The following LARGE1 variants were observed in gnomAD, a reference collection of about 807,000 sequenced individuals.
LARGE1 encodes the protein LARGE xylosyl- and glucuronyltransferase 1, also known as xylosyl- and glucuronyltransferase LARGE1.
In LARGE1, 43 loss-of-function variants were observed where a neutral mutation model predicts 87.6. The observed-to-expected ratio is 0.49, with a 90% confidence interval of 0.38 to 0.63. The LOEUF (loss-of-function observed/expected upper bound fraction) is 0.63. Ranked by LOEUF, LARGE1 falls within the 30% of genes least tolerant of loss-of-function variation. The pLI, the probability that LARGE1 is intolerant of heterozygous loss-of-function variation, is 0.00. For missense variants in LARGE1, 802 were observed against 1,000.2 expected (o/e 0.80, Z 2.67); for synonymous variants, 434 against 394.6 (o/e 1.10, Z -1.18).
chr22:33,563,653 T>A (rs1602453369), intron 6 of LARGE1, among the ~76,000 whole-genome samples: 1 of 152,316 alleles, frequency 6.6e-6, no homozygotes, highest in Admixed American at 6.5e-5. Flanking sequence ...AGCTTCCGTT[T>A]CTTTCTTTAT....
intron 1 of LARGE1, among the ~76,000 whole-genome samples, chr22:33,766,921 TATATATATATATATATATA>T: frequency 1.8e-4 from 1 of 5,438 alleles, no homozygotes; most frequent in South Asian, 6.4e-3. Flanking sequence ...TACATATATA[TATATATATATATATATATA>T]TATATATATA....
chr22:33,442,904 T>C (rs1468273795), intron 6 of LARGE1, among the ~76,000 whole-genome samples: 1 of 151,942 alleles, frequency 6.6e-6, no homozygotes, highest in East Asian at 1.9e-4. Flanking sequence ...GCCATTCTCC[T>C]GCCTCAGCCT....
chr22:33,124,386 G>GGAAGGAAGGAAAGAAGGA, the LARGE1 span, among the ~76,000 whole-genome samples: 1 of 61,618 alleles, frequency 1.6e-5, no homozygotes, highest in Non-Finnish European at 3.2e-5. Context: ...GGAAGGAAGG[G>GGAAGGAAGGAAAGAAGGA]AGGAAGGAAA....
chr22:33,854,904 C>T (rs2063713868), intron 1 of LARGE1, among the ~76,000 whole-genome samples: 1 of 152,166 alleles, frequency 6.6e-6, no homozygotes, highest in Non-Finnish European at 1.5e-5. Flanking sequence ...TCAAGCGAGG[C>T]CGCGTCCTTC....
chr22:33,337,267 T>C (rs895001304), intron 10 of LARGE1, among the ~76,000 whole-genome samples: 2 of 152,118 alleles, frequency 1.3e-5, no homozygotes, highest in African/African-American at 4.8e-5. Context: ...TGTTTCCCCA[T>C]GCACTGACTA....
intron 7 of LARGE1, among the ~76,000 whole-genome samples, chr22:33,410,409 G>A (rs1381785214): frequency 6.6e-6 from 1 of 151,972 alleles, no homozygotes; most frequent in Non-Finnish European, 1.5e-5. Flanking sequence ...ATGATGGGAG[G>A]TGACTGAATC....
chr22:33,825,387 C>G (rs1347252402), intron 1 of LARGE1, among the ~76,000 whole-genome samples: 1 of 124,096 alleles, frequency 8.1e-6, no homozygotes, highest in Non-Finnish European at 1.9e-5. Context: ...TGGGTAATTG[C>G]TAATAAAGAC....
chr22:33,656,449 T>C lies in LARGE1; in HGVS notation c.107-5781A>G, dbSNP rs189084854. The stretch of plus-strand genomic sequence containing the variant: ...TCCCTCCCACAACACATGGGAATTA[T>C]GGGGGCTACAATTCAAGATGAGATT... On this transcript the variant is annotated intron_variant, in intron 2 of 14. Coordinates refer to ENST00000397394, the MANE Select transcript of LARGE1 (RefSeq NM_133642.5). Among the ~76,000 whole-genome samples the C allele has an allele frequency of 7.7e-3, 1,175 of 152,256 alleles. 10 individuals carry two copies. Among genetic ancestry groups the C allele is most frequent in the Middle Eastern group, 0.024 (7 of 294 alleles).
chr22:33,326,674 A>G (rs1158767656), intron 10 of LARGE1, among the ~76,000 whole-genome samples: 2 of 152,196 alleles, frequency 1.3e-5, no homozygotes, highest in African/African-American at 4.8e-5. Context: ...CTGCACAAGT[A>G]AGAGATGCCA....
intron 3 of LARGE1, among the ~76,000 whole-genome samples, chr22:33,648,272 G>T (rs1182133271): frequency 1.3e-5 from 2 of 152,218 alleles, no homozygotes; most frequent in Non-Finnish European, 2.9e-5. Context: ...GAGCAGGGGA[G>T]TGAAACTCTT....
At chr22:33,146,118 T>C in the LARGE1 span, among the ~76,000 whole-genome samples, 6 of 152,316 alleles carry the variant, frequency 3.9e-5, no homozygotes, top group East Asian at 1.2e-3. Flanking sequence ...GATATAAAAG[T>C]AAATATCCTT....
chr22:33,167,924 C>T (rs1285667819), intron 11 of LARGE1, among the ~76,000 whole-genome samples: 1 of 152,084 alleles, frequency 6.6e-6, no homozygotes, highest in Non-Finnish European at 1.5e-5. Flanking sequence ...ATCTGCATAC[C>T]CCAATTAACA....
intron 4 of LARGE1, among the ~76,000 whole-genome samples, chr22:33,606,974 T>C (rs2079283119): frequency 1.3e-5 from 2 of 152,106 alleles, no homozygotes; most frequent in Non-Finnish European, 2.9e-5. Context: ...ACACCCCCCA[T>C]GTGAGCTCAG....
At chr22:33,276,579 T>G (rs1929341260) in intron 14 of LARGE1, among the ~76,000 whole-genome samples, 1 of 152,208 alleles carries the variant, frequency 6.6e-6, no homozygotes, top group Non-Finnish European at 1.5e-5. Flanking sequence ...GTTGGATGAA[T>G]GAAGGAGTTC....
chr22:33,092,762 T>G, the LARGE1 span, among the ~76,000 whole-genome samples: 2 of 152,126 alleles, frequency 1.3e-5, no homozygotes, highest in African/African-American at 4.8e-5. Context: ...CTGAGAATAA[T>G]GGCTTCCAGC....
chr22:33,771,145 C>T (rs1243571785), intron 1 of LARGE1, among the ~76,000 whole-genome samples: 2 of 151,768 alleles, frequency 1.3e-5, no homozygotes, highest in African/African-American at 2.4e-5. Context: ...CCTTCTTTAT[C>T]ATACTCTCTA....
At chr22:33,643,828 C>A (rs2080520364) in intron 3 of LARGE1, among the ~76,000 whole-genome samples, 1 of 152,140 alleles carries the variant, frequency 6.6e-6, no homozygotes, top group African/African-American at 2.4e-5. Context: ...TGGATAAATT[C>A]CTGGACATAT....
chr22:33,326,857 G>A (rs1194279808), intron 10 of LARGE1, among the ~76,000 whole-genome samples: 1 of 152,148 alleles, frequency 6.6e-6, no homozygotes, highest in East Asian at 1.9e-4. Context: ...AGGCCACAAG[G>A]GGAAACCGTG....
At chr22:33,515,285 T>C (rs2071251546) in intron 6 of LARGE1, among the ~76,000 whole-genome samples, 1 of 152,174 alleles carries the variant, frequency 6.6e-6, no homozygotes, top group African/African-American at 2.4e-5. Flanking sequence ...ATACTCCTTC[T>C]TTTACAGCAT....
Sources: gnomAD v4.1 joint callset for allele counts (sites outside exome capture counted in the v4.1 genomes callset) on GRCh38, gnomAD v4.1.1 for gene constraint, MANE v1.5 for transcripts, NCBI Gene and HGNC (gene_info 2026-07-23, HGNC 2026-07-21) for gene names.